The following PRICKLE1 variants were observed in gnomAD, a reference collection of about 807,000 sequenced individuals.
The protein encoded by PRICKLE1 is prickle-like protein 1.
In PRICKLE1, 14 loss-of-function variants were observed where a neutral mutation model predicts 70.2. The observed-to-expected ratio is 0.20, with a 90% confidence interval of 0.13 to 0.31. The LOEUF (loss-of-function observed/expected upper bound fraction) is 0.31. Among genes scored for constraint, PRICKLE1 ranks in the 10% least tolerant of loss-of-function variants. PRICKLE1 has a pLI of 1.00. For synonymous variants in PRICKLE1, 357 were observed against 379.9 expected (o/e 0.94, Z 0.70); for missense variants, 821 against 1,026.2 (o/e 0.80, Z 2.73).
chr12:42,492,044 A>G (rs1442857612), intron 1 of PRICKLE1, among the ~76,000 whole-genome samples: 3 of 151,862 alleles, frequency 2.0e-5, no homozygotes, highest in South Asian at 4.2e-4. Context: ...TCGGCCTCCC[A>G]AAGTGCTGGG....
intron 1 of PRICKLE1, among the ~76,000 whole-genome samples, chr12:42,487,795 C>A (rs373309593): frequency 2.0e-5 from 3 of 152,184 alleles, no homozygotes; most frequent in Non-Finnish European, 4.4e-5. Context: ...CCTATAATCC[C>A]GGCACTTTGG....
At chr12:42,512,222 G>A (rs987897553) in intron 1 of PRICKLE1, among the ~76,000 whole-genome samples, 1 of 152,228 alleles carries the variant, frequency 6.6e-6, no homozygotes, top group African/African-American at 2.4e-5. Context: ...CCAGGATGGA[G>A]TGCAGTGGCG....
chr12:42,533,242 T>G (rs2120557757), intron 1 of PRICKLE1, among the ~76,000 whole-genome samples: 1 of 151,948 alleles, frequency 6.6e-6, no homozygotes, highest in East Asian at 1.9e-4. Context: ...TTTTTACCCG[T>G]TTGACAATAA....
chr12:42,521,335 T>C (rs577616534), intron 1 of PRICKLE1, among the ~76,000 whole-genome samples: 25 of 152,300 alleles, frequency 1.6e-4, no homozygotes, highest in Non-Finnish European at 3.1e-4. Context: ...CTTTACTAAT[T>C]ATATATTTAG....
chr12:42,546,694 C>T (rs934297512), intron 1 of PRICKLE1, among the ~76,000 whole-genome samples: 1 of 152,138 alleles, frequency 6.6e-6, no homozygotes, highest in Non-Finnish European at 1.5e-5. Context: ...GTGGTGGTTG[C>T]AGTGAGCCGA....
At chr12:42,533,134 A>G (rs1490599244) in intron 1 of PRICKLE1, among the ~76,000 whole-genome samples, 1 of 152,038 alleles carries the variant, frequency 6.6e-6, no homozygotes, top group Non-Finnish European at 1.5e-5. Context: ...TTAAAAATCC[A>G]TGAATAAGAG....
At chr12:42,526,693 A>C (rs1939804713) in intron 1 of PRICKLE1, among the ~76,000 whole-genome samples, 1 of 151,744 alleles carries the variant, frequency 6.6e-6, no homozygotes, top group Admixed American at 6.6e-5. Context: ...TCATGAGCAG[A>C]ATTGCCTTTT....
In PRICKLE1 at chr12:42,472,365, T is replaced by C. The variant is rs1566087316; in HGVS notation, c.132+20A>G. ...CACACTGAAAAACAAAGAGTAAATATAGGATGATGAAGTTCCTACCTGCTC... is the reference window on the plus strand; with the variant it reads ...CACACTGAAAAACAAAGAGTAAATACAGGATGATGAAGTTCCTACCTGCTC... On this transcript the variant is annotated intron_variant, in intron 2 of 7. Coordinates refer to ENST00000345127, the MANE Select transcript of PRICKLE1 (RefSeq NM_153026.3). 3 of 1,613,636 alleles carry C rather than the reference T, an allele frequency of 1.9e-6. No individual in the cohort carries two copies. The highest frequency in any genetic ancestry group is 1.7e-5 in the Admixed American group (1 of 59,968).
chr12:42,498,001 T>C (rs1279496091), intron 1 of PRICKLE1, among the ~76,000 whole-genome samples: 1 of 152,022 alleles, frequency 6.6e-6, no homozygotes, highest in Non-Finnish European at 1.5e-5. Context: ...TTTTAAAAAA[T>C]TATTATTTAT....
At chr12:42,541,526 TG>T (rs1348265024) in intron 1 of PRICKLE1, among the ~76,000 whole-genome samples, 2 of 151,908 alleles carry the variant, frequency 1.3e-5, no homozygotes, top group Non-Finnish European at 2.9e-5. Flanking sequence ...TTTGTAGAGA[TG>T]GGGTCTCACT....
intron 1 of PRICKLE1, among the ~76,000 whole-genome samples, chr12:42,543,580 T>A (rs1161519615): frequency 1.3e-5 from 2 of 152,244 alleles, no homozygotes; most frequent in East Asian, 3.9e-4. Context: ...TGGAGTGCAG[T>A]GGCGCGATCT....
chr12:42,469,512 C>T lies in PRICKLE1; in HGVS notation c.322G>A (p.Ala108Thr), dbSNP rs749826585. 6.2e-7 allele frequency: 1 copy of T among 1,614,174 alleles called. No individual in the cohort carries two copies. The highest frequency in any genetic ancestry group is 8.5e-7 in the Non-Finnish European group (1 of 1,180,034). ...AGCTTAATTGTTCCTCTTCCCAGTGCTTCTTTCTTCCGCTGAGCACTGAAC... is the reference window on the plus strand; with the variant it reads ...AGCTTAATTGTTCCTCTTCCCAGTGTTTCTTTCTTCCGCTGAGCACTGAAC... ...QVFSAQRKKE[A>T]LGRGTIKLLS... Residue 108 changes from alanine to threonine, a missense_variant, in exon 4 of 8, where the codon GCA (alanine) becomes ACA (threonine). Physicochemically the swap from Ala to Thr is moderately conservative, Grantham distance 58. Coordinates refer to ENST00000345127, the MANE Select transcript of PRICKLE1 (RefSeq NM_153026.3).
Position 42,460,867 on chromosome 12 carries a change from GC to G in PRICKLE1, c.1640-203del. On this transcript the variant is annotated intron_variant, in intron 7 of 7. Transcript: ENST00000345127. ...GTTATTGTTATAAGGGGTGGGCACA[GC>G]CTTTTTTGTTTTGTTTTTTTGTTTT... 6.2e-6 allele frequency: 4 copies of G among 643,024 alleles called. No individual in the cohort carries two copies. The South Asian group carries it at 7.7e-5, about 12-fold the overall frequency. 39.8% of individuals were successfully genotyped at this position (643,024 alleles called of 1,614,324 possible). A position where few individuals can be genotyped will look rare whatever the true frequency, so the allele number is the denominator to read the frequency against.
At chr12:42,570,609 C>T (rs1448083066) in intron 1 of PRICKLE1, among the ~76,000 whole-genome samples, 9 of 152,112 alleles carry the variant, frequency 5.9e-5, no homozygotes, top group African/African-American at 2.2e-4. Context: ...CACCAGACGT[C>T]GGGAGTTCGA....
intron 6 of PRICKLE1, 98 bp from the exon 7 acceptor site, chr12:42,465,356 T>A (rs1230314118): frequency 5.9e-6 from 7 of 1,181,454 alleles, no homozygotes; most frequent in Non-Finnish European, 7.4e-6. Flanking sequence ...ATTATGGGTA[T>A]GGGGGAGCTG....
intron 5 of PRICKLE1, 128 bp downstream of exon 5, chr12:42,468,498 A>T: frequency 8.2e-6 from 7 of 858,026 alleles, no homozygotes; most frequent in Non-Finnish European, 1.3e-5. Flanking sequence ...AATGTACAGG[A>T]TTATGTTTAA....
intron 1 of PRICKLE1, among the ~76,000 whole-genome samples, chr12:42,527,762 A>G (rs1344129822): frequency 6.6e-6 from 1 of 151,930 alleles, no homozygotes; most frequent in Non-Finnish European, 1.5e-5. Context: ...GGAGAGTAAA[A>G]TGTTAGGAAT....
intron 1 of PRICKLE1, among the ~76,000 whole-genome samples, chr12:42,534,344 G>C (rs1939981428): frequency 6.6e-6 from 1 of 152,070 alleles, no homozygotes; most frequent in South Asian, 2.1e-4. Context: ...ATGGGGACTC[G>C]GGTGAATTCC....
At chr12:42,586,709 C>A (rs925687409) in intron 1 of PRICKLE1, among the ~76,000 whole-genome samples, 1 of 152,124 alleles carries the variant, frequency 6.6e-6, no homozygotes, top group Non-Finnish European at 1.5e-5. Context: ...TGTAAAGATT[C>A]TTGTTCCATT....
Sources: allele counts gnomAD v4.1 joint callset (sites outside exome capture counted in the v4.1 genomes callset), GRCh38; gene constraint gnomAD v4.1.1; transcripts MANE v1.5; gene names NCBI Gene and HGNC (gene_info 2026-07-23, HGNC 2026-07-21).